The following FAAH2 variants were observed in gnomAD, a reference collection of about 807,000 sequenced individuals.
FAAH2 encodes the protein fatty acid amide hydrolase 2.
FAAH2 carries 60 observed loss-of-function variants against 36.9 expected under a neutral mutation model. That is an observed-to-expected ratio of 1.63 (90% CI 1.32 to 2.02). The LOEUF is 2.02. FAAH2 is among the 30% of genes most tolerant of loss of function. The probability of loss-of-function intolerance (pLI) is 0.00; values close to 1 mark genes in which losing one functional copy is unlikely to be tolerated. For missense variants in FAAH2, 689 were observed against 397.5 expected, an observed-to-expected ratio of 1.73 and a Z score of -6.23; for synonymous variants, 214 against 143.8, an observed-to-expected ratio of 1.49 and a Z score of -3.49.
At chrX:57,474,348 C>T (rs1011720340) in intron 10 of FAAH2, among the ~76,000 whole-genome samples, 1 of 110,803 alleles carries the variant, frequency 9.0e-6, no homozygotes, top group African/African-American at 3.3e-5. Context: ...TCCAAATGCT[C>T]TCCCTCCCCT....
chrX:57,226,499 G>A, the FAAH2 span, among the ~76,000 whole-genome samples: 15 of 111,852 alleles, frequency 1.3e-4, no homozygotes, highest in African/African-American at 4.9e-4. Context: ...TAGGTTGTAG[G>A]GTTTCTGCTG....
At chrX:57,430,502 A>G (rs1242029786) in intron 7 of FAAH2, among the ~76,000 whole-genome samples, 1 of 111,638 alleles carries the variant, frequency 9.0e-6, no homozygotes, top group African/African-American at 3.3e-5. Context: ...TTGAAGGGCC[A>G]TGACTCTGTT....
chrX:57,174,855 A>T, the FAAH2 span, among the ~76,000 whole-genome samples: 1 of 111,769 alleles, frequency 8.9e-6, no homozygotes, highest in Non-Finnish European at 1.9e-5. Flanking sequence ...TTTCAGAAGC[A>T]TATTGTTTAA....
intron 7 of FAAH2, among the ~76,000 whole-genome samples, chrX:57,420,854 G>C (rs1286128909): frequency 9.0e-6 from 1 of 111,353 alleles, no homozygotes; most frequent in Non-Finnish European, 1.9e-5. Context: ...ATTGGCTATT[G>C]GTTTGTCATA....
At chrX:57,164,692 C>A in the FAAH2 span, among the ~76,000 whole-genome samples, 112 of 112,287 alleles carry the variant, frequency 1.0e-3, no homozygotes, top group African/African-American at 3.5e-3. Context: ...CATTGATATA[C>A]CCTAGTCAAA....
At chrX:57,432,156 T>C (rs1031259078) in intron 8 of FAAH2, 119 bp downstream of exon 8, 5 of 577,412 alleles carry the variant, frequency 8.7e-6, no homozygotes, top group Non-Finnish European at 1.3e-5. Flanking sequence ...ATAAGTAAAA[T>C]AGTAAAATAT....
At chrX:57,403,314 C>T (rs1265441918) in intron 7 of FAAH2, among the ~76,000 whole-genome samples, 1 of 112,289 alleles carries the variant, frequency 8.9e-6, no homozygotes. Flanking sequence ...ACCCATAGAC[C>T]TCTGCTTATT....
chrX:57,297,080 T>G (rs1038517889), intron 2 of FAAH2, among the ~76,000 whole-genome samples: 3 of 110,430 alleles, frequency 2.7e-5, no homozygotes, highest in African/African-American at 9.9e-5. Context: ...AGGCCAACAT[T>G]CAGATCCAGG....
intron 7 of FAAH2, chrX:57,395,371 G>T: frequency 1.4e-6 from 1 of 705,494 alleles, no homozygotes; most frequent in South Asian, 2.1e-5. Context: ...TTATTTGTGC[G>T]GAGATCTCCT....
At chrX:57,377,951 A>T (rs1456829710) in intron 5 of FAAH2, among the ~76,000 whole-genome samples, 1 of 111,594 alleles carries the variant, frequency 9.0e-6, no homozygotes, top group Non-Finnish European at 1.9e-5. Flanking sequence ...TATTATTGGT[A>T]TATTGGAATG....
At chrX:57,225,155 T>A in the FAAH2 span, among the ~76,000 whole-genome samples, 2 of 111,523 alleles carry the variant, frequency 1.8e-5, no homozygotes, top group Non-Finnish European at 3.8e-5. Flanking sequence ...TCTTCTCTGA[T>A]CTTGGTTATG....
the FAAH2 span, among the ~76,000 whole-genome samples, chrX:57,224,200 C>T: frequency 9.0e-6 from 1 of 111,611 alleles, no homozygotes; most frequent in African/African-American, 3.3e-5. Flanking sequence ...AAGGCCATGC[C>T]TCTCCCTGTT....
At chrX:57,272,319 T>C in the FAAH2 span, among the ~76,000 whole-genome samples, 2 of 111,133 alleles carry the variant, frequency 1.8e-5, no homozygotes, top group Non-Finnish European at 3.8e-5. Context: ...GGAACCAAGT[T>C]GGAAAACACT....
chrX:57,452,092 G>A, intron 10 of FAAH2: 1 of 650,980 alleles, frequency 1.5e-6, no homozygotes, highest in South Asian at 8.0e-5. Context: ...GCTTACAAAA[G>A]TGGCCTTTCA....
At chrX:57,437,438 T>G (rs962812071) in intron 8 of FAAH2, among the ~76,000 whole-genome samples, 11 of 109,801 alleles carry the variant, frequency 1.0e-4, no homozygotes, top group African/African-American at 3.6e-4. Flanking sequence ...GAAGTGAAAT[T>G]TTTTCCTGTT....
chrX:57,441,938 C>T (rs1306973069), intron 8 of FAAH2, among the ~76,000 whole-genome samples: 1 of 111,665 alleles, frequency 9.0e-6, no homozygotes, highest in African/African-American at 3.3e-5. Context: ...TTACTTAATC[C>T]TGAGTTCTAG....
chrX:57,431,003 AC>A (rs371430923), intron 7 of FAAH2, among the ~76,000 whole-genome samples: 3 of 111,469 alleles, frequency 2.7e-5, no homozygotes, highest in African/African-American at 9.8e-5. Context: ...AGTGTAGGAC[AC>A]CTTTTGGTCT....
At chrX:57,425,937 A>C (rs2056151077) in intron 7 of FAAH2, among the ~76,000 whole-genome samples, 1 of 112,362 alleles carries the variant, frequency 8.9e-6, no homozygotes, top group African/African-American at 3.2e-5. Context: ...CTATTATTTT[A>C]TTCTTGAAAA....
intron 8 of FAAH2, among the ~76,000 whole-genome samples, chrX:57,438,838 G>A (rs1247224250): frequency 9.8e-6 from 1 of 102,062 alleles, no homozygotes; most frequent in Non-Finnish European, 2.0e-5. Flanking sequence ...ACCTATAAGT[G>A]AGAACATGCG....
Sources: allele counts gnomAD v4.1 joint callset (sites outside exome capture counted in the v4.1 genomes callset), GRCh38; gene constraint gnomAD v4.1.1; transcripts MANE v1.5; gene names NCBI Gene and HGNC (gene_info 2026-07-23, HGNC 2026-07-21).